FBXL17: variants seen among roughly 807,000 people sequenced by gnomAD.
The protein encoded by FBXL17 is F-box/LRR-repeat protein 17.
FBXL17 carries 22 observed loss-of-function variants against 66.2 expected under a neutral mutation model. That is an observed-to-expected ratio of 0.33 (90% CI 0.24 to 0.47). The LOEUF is 0.47. Among genes scored for constraint, FBXL17 ranks in the 20% least tolerant of loss-of-function variants. The pLI is 1.00. For missense variants in FBXL17, 878 were observed against 948.2 expected, an observed-to-expected ratio of 0.93 and a Z score of 0.97; for synonymous variants, 474 against 400.5, an observed-to-expected ratio of 1.18 and a Z score of -2.19.
At chr5:107,971,153 A>C (rs1167055729) in intron 7 of FBXL17, among the ~76,000 whole-genome samples, 1 of 152,200 alleles carries the variant, frequency 6.6e-6, no homozygotes, top group African/African-American at 2.4e-5. Flanking sequence ...CTTTCTGGAA[A>C]ACACCAGTTC....
At position 107,881,162 on chromosome 5, in the gene FBXL17, G is replaced by C; in HGVS notation, c.1840C>G (p.Arg614Gly). The change falls in exon 8 of 9, where the codon CGA becomes GGA. Residue 614 changes from arginine (R) to glycine (G), a missense_variant. Physicochemically the swap from Arg to Gly is moderately radical, Grantham distance 125. Around this residue, in one of 4 missense-constraint regions of FBXL17, gnomAD observed 236 missense variants for 389.1 expected, o/e 0.61. Coordinates refer to ENST00000542267, the MANE Select transcript of FBXL17 (RefSeq NM_001163315.3). ...ITDYALIAIG[R>G]YSMTIETVDV... ...ACAGTCTCTATTGTCATGCTGTATC[G>C]CCCAATGGCTATCAGTGCTGCAAGA... 6.2e-7 allele frequency: 1 copy of C among 1,608,028 alleles called. No homozygotes were observed. The highest frequency in any genetic ancestry group is 8.5e-7 in the Non-Finnish European group (1 of 1,176,292).
intron 3 of FBXL17, among the ~76,000 whole-genome samples, chr5:108,354,441 T>C (rs1476327351): frequency 3.3e-5 from 5 of 149,464 alleles, no homozygotes; most frequent in Admixed American, 1.3e-4. Context: ...AAACTGAAAA[T>C]CAGGAGAAAA....
At chr5:108,368,448 T>C (rs1036358891) in intron 1 of FBXL17, among the ~76,000 whole-genome samples, 2 of 152,142 alleles carry the variant, frequency 1.3e-5, no homozygotes, top group African/African-American at 2.4e-5. Context: ...TTTACCTTTA[T>C]GGTATCTTTT....
chr5:107,879,662 T>G (rs1748719959), intron 8 of FBXL17: 1 of 985,358 alleles, frequency 1.0e-6, no homozygotes, highest in African/African-American at 1.7e-5. Flanking sequence ...TGCCCCCACA[T>G]TTGCTACATT....
At chr5:108,206,449 T>C (rs1187666946) in intron 5 of FBXL17, among the ~76,000 whole-genome samples, 1 of 152,104 alleles carries the variant, frequency 6.6e-6, no homozygotes, top group Non-Finnish European at 1.5e-5. Flanking sequence ...TTTTGACATA[T>C]GCACCATGAA....
intron 4 of FBXL17, among the ~76,000 whole-genome samples, chr5:108,326,433 A>G (rs971130126): frequency 2.0e-5 from 3 of 149,556 alleles, no homozygotes; most frequent in Non-Finnish European, 2.9e-5. Context: ...TCTCTACTAA[A>G]AATAAAAATT....
intron 7 of FBXL17, among the ~76,000 whole-genome samples, chr5:107,904,271 C>T (rs1749675799): frequency 6.6e-6 from 1 of 152,082 alleles, no homozygotes; most frequent in South Asian, 2.1e-4. Flanking sequence ...AGGAGAGACA[C>T]CCCCTTCTCC....
intron 7 of FBXL17, among the ~76,000 whole-genome samples, chr5:107,973,343 T>C (rs1752447626): frequency 6.6e-6 from 1 of 151,524 alleles, no homozygotes; most frequent in African/African-American, 2.4e-5. Flanking sequence ...TAAACATGAT[T>C]TTTTTTTGTA....
intron 6 of FBXL17, among the ~76,000 whole-genome samples, chr5:108,115,847 G>C (rs1580462268): frequency 6.6e-6 from 1 of 152,144 alleles, no homozygotes; most frequent in African/African-American, 2.4e-5. Context: ...CCTGCCTGCA[G>C]ACAGGTAAGA....
At chr5:107,880,943 C>T (rs759423919) in intron 8 of FBXL17, 94 bp downstream of exon 8, 37 of 1,601,966 alleles carry the variant, frequency 2.3e-5, no homozygotes, top group East Asian at 4.5e-5. Flanking sequence ...ATATAATACA[C>T]GGGGGTGGAG....
chr5:107,892,819 G>T (rs545586123), intron 7 of FBXL17, among the ~76,000 whole-genome samples: 1 of 152,204 alleles, frequency 6.6e-6, no homozygotes, highest in African/African-American at 2.4e-5. Context: ...TATTTGCAAT[G>T]ATTTTTGCTA....
At chr5:107,912,873 G>T (rs2112549511) in intron 7 of FBXL17, among the ~76,000 whole-genome samples, 1 of 152,160 alleles carries the variant, frequency 6.6e-6, no homozygotes, top group African/African-American at 2.4e-5. Flanking sequence ...TTTTAGCTCT[G>T]CCACTTATTT....
intron 4 of FBXL17, among the ~76,000 whole-genome samples, chr5:108,293,199 T>C (rs902945231): frequency 6.6e-6 from 1 of 152,118 alleles, no homozygotes; most frequent in African/African-American, 2.4e-5. Context: ...ACTTTAAATA[T>C]TTCTTGGTAG....
chr5:108,121,627 G>C (rs2149965244), intron 6 of FBXL17, among the ~76,000 whole-genome samples: 1 of 152,094 alleles, frequency 6.6e-6, no homozygotes, highest in African/African-American at 2.4e-5. Context: ...CACGGTCTCG[G>C]CTCACTGCAA....
intron 6 of FBXL17, among the ~76,000 whole-genome samples, chr5:108,038,764 A>T (rs1746943259): frequency 6.6e-6 from 1 of 152,102 alleles, no homozygotes; most frequent in South Asian, 2.1e-4. Context: ...TGTGAGTGAG[A>T]TAATTGTAAA....
chr5:108,271,442 G>A (rs1220473988), intron 4 of FBXL17, among the ~76,000 whole-genome samples: 3 of 152,162 alleles, frequency 2.0e-5, no homozygotes, highest in East Asian at 1.9e-4. Context: ...CCTGACACCC[G>A]GCAAAACCAT....
chr5:108,207,857 C>T (rs1009400913), intron 5 of FBXL17, among the ~76,000 whole-genome samples: 1 of 152,152 alleles, frequency 6.6e-6, no homozygotes, highest in African/African-American at 2.4e-5. Context: ...ATTGCTGGGT[C>T]AAATGGTATT....
At chr5:108,124,972 A>G (rs537522216) in intron 6 of FBXL17, among the ~76,000 whole-genome samples, 2 of 152,174 alleles carry the variant, frequency 1.3e-5, no homozygotes, top group African/African-American at 4.8e-5. Context: ...GCAATATCCT[A>G]AATATAAAAA....
At chr5:107,962,069 T>A (rs1309744722) in intron 7 of FBXL17, among the ~76,000 whole-genome samples, 1 of 152,148 alleles carries the variant, frequency 6.6e-6, no homozygotes, top group Non-Finnish European at 1.5e-5. Flanking sequence ...GTATAGTTCT[T>A]TGAAAGGAAG....
Sources: allele counts gnomAD v4.1 joint callset (sites outside exome capture counted in the v4.1 genomes callset), GRCh38; gene constraint gnomAD v4.1.1; regional missense constraint gnomAD v4.1.1; transcripts MANE v1.5; gene names NCBI Gene and HGNC (gene_info 2026-07-23, HGNC 2026-07-21).